Variants in SLC20A1 observed in about 807,000 individuals in gnomAD.
SLC20A1 encodes the protein sodium-dependent phosphate transporter 1.
A neutral mutation model predicts 62.7 loss-of-function variants in SLC20A1; 28 were observed. That is an observed-to-expected ratio of 0.45 (90% CI 0.33 to 0.61). The LOEUF (loss-of-function observed/expected upper bound fraction) is 0.61, where lower values mean the gene tolerates loss of function less well. SLC20A1 is among the 20% of genes least tolerant of loss of function. The pLI is 0.02. For synonymous variants in SLC20A1, 305 were observed against 302.9 expected, an observed-to-expected ratio of 1.01 and a Z score of -0.07; for missense variants, 673 against 838.6, an observed-to-expected ratio of 0.80 and a Z score of 2.44.
chr2:112,661,256 A>G (rs1238021126), intron 10 of SLC20A1, 30 bp downstream of exon 10: 1 of 1,532,382 alleles, frequency 6.5e-7, no homozygotes, highest in Non-Finnish European at 9.0e-7. Context: ...GTGTCTTTCA[A>G]ATGGTTCTTC....
Position 112,660,402 on chromosome 2 carries a change from T to C in SLC20A1, c.1623T>C (p.Pro541=), listed in dbSNP as rs150879593. ...GGNDVSNAIG[P]LVALYLVYDT... ...TTTCTTCCAGCAATGCCATTGGGCC[T>C]CTGGTTGCTTTATATTTGGTTTATG... The change falls in exon 9 of 11, where the codon CCT becomes CCC. Residue 541 remains proline, a synonymous_variant. Transcript: ENST00000272542. The C allele has an allele frequency of 6.8e-6, 11 of 1,614,060 alleles. No individual in the cohort carries two copies. In the African/African-American group the frequency reaches 1.5e-4, roughly 22 times the overall value.
At chr2:112,658,360 T>C (rs953347630) in intron 6 of SLC20A1, 4 of 154,938 alleles carry the variant, frequency 2.6e-5, no homozygotes, top group Non-Finnish European at 5.7e-5. Context: ...CATTGAGCTG[T>C]GCCACTTTGC....
intron 4 of SLC20A1, 81 bp downstream of exon 4, chr2:112,647,819 G>A (rs1686327608): frequency 8.7e-7 from 1 of 1,142,886 alleles, no homozygotes. Context: ...TTGCAGATGT[G>A]ATTGGTGTAT....
intron 10 of SLC20A1, 132 bp from the exon 11 acceptor site, chr2:112,662,732 G>C (rs1240562352): frequency 1.5e-5 from 12 of 826,816 alleles, no homozygotes. Flanking sequence ...TTAACCTGTT[G>C]TAAACCAGCT....
chr2:112,656,051 C>T (rs566953522), intron 5 of SLC20A1, among the ~76,000 whole-genome samples: 3 of 152,090 alleles, frequency 2.0e-5, no homozygotes, highest in African/African-American at 7.2e-5. Context: ...AGCCTACTGG[C>T]GTGCATATGA....
chr2:112,650,270 C>T (rs1025393188), intron 4 of SLC20A1, among the ~76,000 whole-genome samples: 1 of 151,658 alleles, frequency 6.6e-6, no homozygotes, highest in Non-Finnish European at 1.5e-5. Flanking sequence ...GAAGTCCCCA[C>T]ATAATGTCTT....
intron 5 of SLC20A1, among the ~76,000 whole-genome samples, chr2:112,653,551 G>A (rs182890231): frequency 6.6e-6 from 1 of 152,246 alleles, no homozygotes; most frequent in East Asian, 1.9e-4. Flanking sequence ...CCCACTGGAT[G>A]AAATACAGGA....
Position 112,658,811 on chromosome 2 carries a change from CT to C in SLC20A1, c.779-6del, listed in dbSNP as rs762893636. The C allele has an allele frequency of 9.5e-6, 15 of 1,581,188 alleles. No individual in the cohort carries two copies. The highest frequency in any genetic ancestry group is 4.1e-5 in the African/African-American group (3 of 73,282). ...CACAACCAAACCAAAAAAGACCCCC[CT>C]TTTTTTTCCTAGGAGAAATAAAGTG... On this transcript the variant is annotated splice_polypyrimidine_tract_variant and intron_variant, in intron 6 of 10. Transcript: ENST00000272542.
chr2:112,660,678 G>T, intron 9 of SLC20A1, 106 bp downstream of exon 9: 2 of 907,266 alleles, frequency 2.2e-6, no homozygotes, highest in Non-Finnish European at 3.2e-6. Flanking sequence ...GTTTGTATAA[G>T]TTCATGATGT....
chr2:112,654,912 A>AG (rs1686541053), intron 5 of SLC20A1, among the ~76,000 whole-genome samples: 1 of 149,378 alleles, frequency 6.7e-6, no homozygotes, highest in South Asian at 2.1e-4. Flanking sequence ...AAAAAAAAAA[A>AG]GTTCAAAAAC....
At chr2:112,661,259 G>C in intron 10 of SLC20A1, 33 bp downstream of exon 10, 1 of 1,520,908 alleles carries the variant, frequency 6.6e-7, no homozygotes. Flanking sequence ...TCTTTCAAAT[G>C]GTTCTTCTAA....
chr2:112,648,113 G>A (rs1686335784), intron 4 of SLC20A1, among the ~76,000 whole-genome samples: 1 of 151,988 alleles, frequency 6.6e-6, no homozygotes, highest in Admixed American at 6.6e-5. Flanking sequence ...GTCCCCTGTG[G>A]CTTTTTTAAC....
intron 5 of SLC20A1, among the ~76,000 whole-genome samples, chr2:112,653,660 CT>C (rs34094856): frequency 0.13 from 14,300 of 113,532 alleles, 923 homozygotes; most frequent in Non-Finnish European, 0.21. Context: ...CAAATTCTCT[CT>C]TTTTTTTTTT....
chr2:112,650,952 T>C (rs1047455218), intron 4 of SLC20A1, among the ~76,000 whole-genome samples: 32 of 152,212 alleles, frequency 2.1e-4, no homozygotes, highest in Non-Finnish European at 3.8e-4. Context: ...GACTAGTCTT[T>C]AGAATAAAAA....
rs1345121875 is a variant in SLC20A1 at position 112,663,176 on chromosome 2, C to T, written c.*151C>T. On this transcript the variant is annotated 3_prime_UTR_variant, in exon 11 of 11. Coordinates refer to ENST00000272542, the MANE Select transcript of SLC20A1 (RefSeq NM_005415.5). ...GGAAGTGTTACTTGTGCTATAACTGCTTTTGTGCTAAATATGAATTGTCTC... is the reference window on the plus strand; with the variant it reads ...GGAAGTGTTACTTGTGCTATAACTGTTTTTGTGCTAAATATGAATTGTCTC... 1 of 910,534 alleles carries T rather than the reference C, an allele frequency of 1.1e-6. No individual in the cohort carries two copies. Among genetic ancestry groups the T allele is most frequent in the East Asian group, 2.5e-5 (1 of 39,604 alleles). The allele number at this position is 910,534 out of a possible 1,614,324, so 56.4% of individuals were successfully genotyped here.
intron 4 of SLC20A1, among the ~76,000 whole-genome samples, chr2:112,649,986 T>G (rs1240380970): frequency 1.3e-5 from 2 of 152,220 alleles, no homozygotes; most frequent in Non-Finnish European, 1.5e-5. Context: ...CTTTCTTGTT[T>G]TACCTTCTTC....
intron 4 of SLC20A1, among the ~76,000 whole-genome samples, chr2:112,651,733 G>A (rs1202201831): frequency 6.6e-6 from 1 of 152,138 alleles, no homozygotes; most frequent in Non-Finnish European, 1.5e-5. Context: ...TGTTTGACTT[G>A]GGTGTTCTCC....
rs755028547 is a variant in SLC20A1 at position 112,659,313 on chromosome 2, C to T, written c.1158C>T (p.Gly386=). The change falls in exon 8 of 11, where the codon GGC becomes GGT. Residue 386 remains glycine (G), a synonymous_variant. Transcript: ENST00000272542. ...YQYHTVHKDS[G]LYKELLHKLH... is the part of the protein sequence containing the mutation. ...ATCACACCGTGCATAAGGATTCCGGCCTGTACAAAGAGCTACTCCATAAAT... is the reference window on the plus strand; with the variant it reads ...ATCACACCGTGCATAAGGATTCCGGTCTGTACAAAGAGCTACTCCATAAAT... The T allele has an allele frequency of 6.2e-7, 1 of 1,614,174 alleles. No homozygotes were observed. Among genetic ancestry groups the T allele is most frequent in the South Asian group, 1.1e-5 (1 of 91,084 alleles).
intron 5 of SLC20A1, among the ~76,000 whole-genome samples, chr2:112,655,133 T>C (rs1686548317): frequency 6.6e-6 from 1 of 151,816 alleles, no homozygotes; most frequent in Admixed American, 6.6e-5. Flanking sequence ...CACGCCCAGC[T>C]AATTTTTGTA....
Sources: allele counts gnomAD v4.1 joint callset (sites outside exome capture counted in the v4.1 genomes callset), GRCh38; gene constraint gnomAD v4.1.1; transcripts MANE v1.5; gene names NCBI Gene and HGNC (gene_info 2026-07-23, HGNC 2026-07-21).